CNTN4: variants seen among roughly 807,000 people sequenced by gnomAD.
CNTN4 encodes the protein contactin 4.
A neutral mutation model predicts 122.5 loss-of-function variants in CNTN4; 77 were observed. The ratio of observed to expected loss-of-function variants is 0.63; its 90% CI spans 0.52 to 0.76. The LOEUF (loss-of-function observed/expected upper bound fraction) is 0.76, where lower values mean the gene tolerates loss of function less well. CNTN4 is among the 30% of genes least tolerant of loss of function. CNTN4 has a pLI of 0.00. For synonymous variants in CNTN4, 512 were observed against 447.0 expected, an observed-to-expected ratio of 1.15 and a Z score of -1.83; for missense variants, 1,256 against 1,259.1, an observed-to-expected ratio of 1.00 and a Z score of 0.04.
intron 4 of CNTN4, among the ~76,000 whole-genome samples, chr3:2,593,409 T>C (rs1022764142): frequency 1.3e-5 from 2 of 152,374 alleles, no homozygotes; most frequent in African/African-American, 4.8e-5. Flanking sequence ...CCCTGCTTAG[T>C]AGATGAGAAA....
intron 4 of CNTN4, among the ~76,000 whole-genome samples, chr3:2,637,661 T>A (rs1043526685): frequency 6.6e-6 from 1 of 152,158 alleles, no homozygotes; most frequent in Non-Finnish European, 1.5e-5. Flanking sequence ...CTCTTGATTA[T>A]TACTGCCCTG....
At chr3:2,548,783 T>C (rs969195735) in intron 3 of CNTN4, among the ~76,000 whole-genome samples, 1 of 152,150 alleles carries the variant, frequency 6.6e-6, no homozygotes, top group Non-Finnish European at 1.5e-5. Flanking sequence ...GCCATTTTCA[T>C]GATATTGATT....
chr3:3,050,688 G>A (rs1048442692), intron 23 of CNTN4, among the ~76,000 whole-genome samples: 1 of 150,364 alleles, frequency 6.7e-6, no homozygotes, highest in Non-Finnish European at 1.5e-5. Flanking sequence ...GCTTGAACCC[G>A]GGAGGCGGAG....
At chr3:2,125,544 TTTTTTC>T (rs1267434721) in intron 2 of CNTN4, among the ~76,000 whole-genome samples, 6 of 147,420 alleles carry the variant, frequency 4.1e-5, no homozygotes, top group African/African-American at 7.5e-5. Context: ...TGAAGATTTC[TTTTTTC>T]TTTTTCTTTT....
At chr3:2,677,063 C>T (rs1157067715) in intron 4 of CNTN4, among the ~76,000 whole-genome samples, 2 of 151,908 alleles carry the variant, frequency 1.3e-5, no homozygotes, top group Non-Finnish European at 2.9e-5. Context: ...CATGTGATAA[C>T]TGTTCAGGGA....
At chr3:2,185,009 C>T (rs2037182463) in intron 2 of CNTN4, among the ~76,000 whole-genome samples, 1 of 152,098 alleles carries the variant, frequency 6.6e-6, no homozygotes, top group South Asian at 2.1e-4. Context: ...GGGTTGTTTA[C>T]CTGCAAGCTC....
chr3:2,319,948 T>A (rs976404109), intron 2 of CNTN4, among the ~76,000 whole-genome samples: 13 of 152,178 alleles, frequency 8.5e-5, no homozygotes, highest in African/African-American at 3.1e-4. Flanking sequence ...TAAAGAACAT[T>A]TTCTTTGCCC....
chr3:2,256,036 A>C (rs183839567), intron 2 of CNTN4, among the ~76,000 whole-genome samples: 45 of 152,266 alleles, frequency 3.0e-4, no homozygotes, highest in Admixed American at 1.2e-3. Flanking sequence ...AAATAGATAG[A>C]CTGCTAGCCA....
At chr3:2,998,590 A>C (rs1695746733) in intron 14 of CNTN4, among the ~76,000 whole-genome samples, 1 of 152,170 alleles carries the variant, frequency 6.6e-6, no homozygotes, top group African/African-American at 2.4e-5. Context: ...AAAACTAACT[A>C]AGAGGTAAAG....
rs187592899 is a variant in CNTN4 at position 2,387,325 on chromosome 3, G to T, written c.-89+48092G>T. ...AAATCACTTATTAAATATTTAACCTGATGAGTTAGTTTTATTATTCTTAAG... is the reference window on the plus strand; with the variant it reads ...AAATCACTTATTAAATATTTAACCTTATGAGTTAGTTTTATTATTCTTAAG... On this transcript the variant is annotated intron_variant, in intron 3 of 24. Transcript: ENST00000418658. 1.2e-3 allele frequency among the ~76,000 whole-genome samples: 189 copies of T among 152,180 alleles called. 2 individuals are homozygous for T. Among genetic ancestry groups the T allele is most frequent in the African/African-American group, 4.0e-3 (167 of 41,548 alleles).
rs377589018 is a variant in CNTN4, at chr3:2,932,947, C to G, written c.1358+7168C>G. 3.3e-5 allele frequency among the ~76,000 whole-genome samples: 5 copies of G among 152,116 alleles called. No individual in the cohort carries two copies. In the South Asian group the frequency reaches 1.0e-3, roughly 32 times the overall value. On this transcript the variant is annotated intron_variant, in intron 13 of 24. Coordinates refer to ENST00000418658, the MANE Select transcript of CNTN4 (RefSeq NM_175607.3). Reference sequence around the variant, plus strand: ...ACATCATTCTCTTGCCTCAGCCTCCCGAGTAGCTGGGACTACAGGCACCCA... The same window carrying G: ...ACATCATTCTCTTGCCTCAGCCTCCGGAGTAGCTGGGACTACAGGCACCCA...
At chr3:2,140,592 C>A (rs548145591) in intron 2 of CNTN4, among the ~76,000 whole-genome samples, 1 of 152,216 alleles carries the variant, frequency 6.6e-6, no homozygotes, top group Admixed American at 6.5e-5. Context: ...GCGCTAACCC[C>A]ATTCATGTCC....
intron 4 of CNTN4, among the ~76,000 whole-genome samples, chr3:2,668,011 G>A (rs556388178): frequency 6.6e-6 from 1 of 152,216 alleles, no homozygotes; most frequent in East Asian, 1.9e-4. Context: ...AGTATAGTTT[G>A]AAGTCAGGTA....
At position 2,159,977 on chromosome 3, in the gene CNTN4, C is replaced by A. The variant is rs185070999; in HGVS notation, c.-145+59338C>A. ...CTTGTTATTGGACTCCAAAACTCAC[C>A]CAAATTCTTTTTCTTTGCTTTGTGT... is the stretch of plus-strand genomic sequence containing the variant. On this transcript the variant is annotated intron_variant, in intron 2 of 24. Transcript: ENST00000418658. 1.9e-3 allele frequency among the ~76,000 whole-genome samples: 282 copies of A among 152,004 alleles called. 4 individuals carry two copies. Among genetic ancestry groups the A allele is most frequent in the African/African-American group, 6.5e-3 (269 of 41,466 alleles).
intron 13 of CNTN4, among the ~76,000 whole-genome samples, chr3:2,933,200 A>G (rs1430258827): frequency 4.6e-5 from 7 of 152,138 alleles, no homozygotes; most frequent in Non-Finnish European, 1.0e-4. Context: ...GCATCAAGGA[A>G]AAAGTCAGTT....
chr3:2,827,631 A>T (rs930921049), intron 7 of CNTN4, among the ~76,000 whole-genome samples: 3 of 152,242 alleles, frequency 2.0e-5, no homozygotes. Context: ...TTGTGGCTTT[A>T]TTAGCCATTC....
At chr3:2,978,883 G>C (rs910242017) in intron 13 of CNTN4, among the ~76,000 whole-genome samples, 2 of 152,198 alleles carry the variant, frequency 1.3e-5, no homozygotes, top group African/African-American at 2.4e-5. Context: ...CGAAATATAA[G>C]TTAGTCGCTC....
At chr3:2,197,374 A>G (rs1448214300) in intron 2 of CNTN4, among the ~76,000 whole-genome samples, 1 of 152,214 alleles carries the variant, frequency 6.6e-6, no homozygotes, top group Non-Finnish European at 1.5e-5. Flanking sequence ...TACATTTATG[A>G]AAGAAGAAGC....
chr3:2,259,709 A>G (rs2040745829), intron 2 of CNTN4, among the ~76,000 whole-genome samples: 2 of 152,284 alleles, frequency 1.3e-5, no homozygotes, highest in East Asian at 3.9e-4. Flanking sequence ...CACCCGTATG[A>G]TTCAGTTTTC....
Sources: gnomAD v4.1 joint callset for allele counts (sites outside exome capture counted in the v4.1 genomes callset) on GRCh38, gnomAD v4.1.1 for gene constraint, MANE v1.5 for transcripts, NCBI Gene and HGNC (gene_info 2026-07-23, HGNC 2026-07-21) for gene names.